The following CORIN variants were observed in gnomAD, a reference collection of about 807,000 sequenced individuals.
CORIN encodes atrial natriuretic peptide-converting enzyme.
In CORIN, 117 loss-of-function variants were observed where a neutral mutation model predicts 125.3. That is an observed-to-expected ratio of 0.93 (90% CI 0.80 to 1.09). The LOEUF is 1.09. CORIN is among the 50% of genes least tolerant of loss of function. CORIN has a pLI of 0.00. For synonymous variants in CORIN, 450 were observed against 466.4 expected, an observed-to-expected ratio of 0.96 and a Z score of 0.45; for missense variants, 1,253 against 1,306.7, an observed-to-expected ratio of 0.96 and a Z score of 0.63.
chr4:47,779,619 A>G (rs1254407310), intron 3 of CORIN, among the ~76,000 whole-genome samples: 1 of 151,798 alleles, frequency 6.6e-6, no homozygotes, highest in Non-Finnish European at 1.5e-5. Context: ...TATTTTTAGT[A>G]GAGACAAGGT....
chr4:47,734,020 G>A (rs1221492414), intron 5 of CORIN, among the ~76,000 whole-genome samples: 3 of 152,060 alleles, frequency 2.0e-5, no homozygotes, highest in African/African-American at 4.8e-5. Flanking sequence ...CTGTAGCGGC[G>A]GGTATTAATA....
intron 3 of CORIN, among the ~76,000 whole-genome samples, chr4:47,770,418 G>C (rs1729971378): frequency 6.6e-6 from 1 of 152,148 alleles, no homozygotes; most frequent in South Asian, 2.1e-4. Flanking sequence ...TTTGCACACT[G>C]TTGATAGGGT....
In CORIN at chr4:47,743,171, G is replaced by A. The variant is rs138769858; in HGVS notation, c.799+1231C>T. Among the ~76,000 whole-genome samples, 1,201 of 151,596 alleles carry A rather than the reference G, an allele frequency of 7.9e-3. 19 individuals carry two copies. The highest frequency in any genetic ancestry group is 0.027 in the African/African-American group (1,126 of 41,446). On this transcript the variant is annotated intron_variant, in intron 5 of 21. Transcript: ENST00000273857. ...TAGGAGAAAAACTTCTATGTTTGGG[G>A]GTGAGCAAAGATTTCTTAAGACACA...
chr4:47,689,597 T>G (rs1254015713), intron 6 of CORIN, among the ~76,000 whole-genome samples: 1 of 152,226 alleles, frequency 6.6e-6, no homozygotes, highest in Non-Finnish European at 1.5e-5. Flanking sequence ...GGCAGCTATT[T>G]CACTGTGAAA....
chr4:47,701,971 G>A (rs116272989), intron 5 of CORIN, among the ~76,000 whole-genome samples: 2,421 of 152,100 alleles, frequency 0.016, 75 homozygotes, highest in African/African-American at 0.055. Context: ...AAAAACATGG[G>A]CAATTTTTAA....
chr4:47,614,975 C>A (rs886142993), intron 19 of CORIN, among the ~76,000 whole-genome samples: 2 of 152,114 alleles, frequency 1.3e-5, no homozygotes, highest in Admixed American at 6.6e-5. Context: ...TTTGACGGGG[C>A]AATCACTTTG....
intron 5 of CORIN, among the ~76,000 whole-genome samples, chr4:47,731,667 G>A (rs538396133): frequency 3.9e-5 from 6 of 152,042 alleles, no homozygotes; most frequent in African/African-American, 1.2e-4. Flanking sequence ...TCAGGAGTTC[G>A]AGACTAGCCT....
intron 4 of CORIN, among the ~76,000 whole-genome samples, chr4:47,761,526 C>T (rs1421787413): frequency 6.6e-6 from 1 of 151,440 alleles, no homozygotes; most frequent in African/African-American, 2.4e-5. Flanking sequence ...CAATGGAATA[C>T]TATTCAGCCA....
intron 5 of CORIN, among the ~76,000 whole-genome samples, chr4:47,728,406 T>C (rs1460005699): frequency 6.6e-6 from 1 of 152,188 alleles, no homozygotes; most frequent in Non-Finnish European, 1.5e-5. Flanking sequence ...ATTTCTGCTA[T>C]GTGAAAGAAA....
At chr4:47,817,513 T>C (rs1210734222) in intron 1 of CORIN, among the ~76,000 whole-genome samples, 2 of 152,118 alleles carry the variant, frequency 1.3e-5, no homozygotes. Flanking sequence ...CAGTTCCCAG[T>C]GTTTCAGCTG....
At position 47,641,915 on chromosome 4, in the gene CORIN, C is replaced by G. The variant is rs775273225; in HGVS notation, c.2198+5G>C. On this transcript the variant is annotated splice_donor_5th_base_variant and intron_variant, in intron 16 of 21. Coordinates refer to ENST00000273857, the MANE Select transcript of CORIN (RefSeq NM_006587.4). ...TTCATCAGTGCTACAAACTACTGAC[C>G]TTACCCTAAACCCATCTGCTTGCAG... is the stretch of plus-strand genomic sequence containing the variant. The G allele has an allele frequency of 5.0e-6, 8 of 1,612,526 alleles. No individual in the cohort carries two copies. The highest frequency in any genetic ancestry group is 6.8e-6 in the Non-Finnish European group (8 of 1,179,122).
intron 1 of CORIN, among the ~76,000 whole-genome samples, chr4:47,815,344 A>G (rs1732221318): frequency 6.6e-6 from 1 of 152,166 alleles, no homozygotes; most frequent in Non-Finnish European, 1.5e-5. Flanking sequence ...GAGCTTGCTC[A>G]ATTTAGTTTC....
chr4:47,659,783 T>G (rs552236743), intron 12 of CORIN, among the ~76,000 whole-genome samples: 47 of 152,148 alleles, frequency 3.1e-4, no homozygotes, highest in Non-Finnish European at 5.1e-4. Context: ...TATATCACTA[T>G]GTAAAGCAAT....
At chr4:47,663,404 A>C (rs186935018) in intron 11 of CORIN, among the ~76,000 whole-genome samples, 1 of 152,332 alleles carries the variant, frequency 6.6e-6, no homozygotes, top group East Asian at 1.9e-4. Flanking sequence ...TTATTAGCAT[A>C]TTATTCAAAA....
At chr4:47,676,160 C>T (rs1326336745) in intron 9 of CORIN, among the ~76,000 whole-genome samples, 2 of 152,176 alleles carry the variant, frequency 1.3e-5, no homozygotes, top group Non-Finnish European at 2.9e-5. Flanking sequence ...CCCCTGCTTC[C>T]CTTTCCAGCT....
intron 5 of CORIN, among the ~76,000 whole-genome samples, chr4:47,740,582 T>C (rs1024329835): frequency 2.2e-4 from 34 of 152,002 alleles, no homozygotes; most frequent in Admixed American, 8.5e-4. Flanking sequence ...TATTTACATA[T>C]GTAATCTTTA....
Position 47,645,166 on chromosome 4 carries a change from A to T in CORIN, c.1872T>A (p.Cys624Ter). The change falls in exon 14 of 22, where the codon TGT (cysteine) becomes TGA (stop). Residue 624 changes from cysteine (C) to a stop codon, truncating the protein, a stop_gained. Coordinates refer to ENST00000273857, the MANE Select transcript of CORIN (RefSeq NM_006587.4). LOFTEE classifies it high-confidence loss of function. The stretch of plus-strand genomic sequence containing the variant: ...GCTTCAAACATTGTTTATTGGATGG[A>T]CATTCCCAAAGATCTCTCTCTTTAC... ...CGCKERDLWE[C>*]PSNKQCLKHT... is the part of the protein sequence containing the mutation. 1 of 1,610,338 alleles carries T rather than the reference A, an allele frequency of 6.2e-7. No homozygotes were observed.
chr4:47,614,974 G>A (rs1242402189), intron 19 of CORIN, among the ~76,000 whole-genome samples: 1 of 152,188 alleles, frequency 6.6e-6, no homozygotes, highest in African/African-American at 2.4e-5. Context: ...ATTTGACGGG[G>A]CAATCACTTT....
intron 1 of CORIN, among the ~76,000 whole-genome samples, chr4:47,816,394 G>A (rs1216354960): frequency 2.8e-4 from 42 of 152,112 alleles, no homozygotes. Context: ...ACGTCTATGT[G>A]ACATGTTAAA....
Sources: gnomAD v4.1 joint callset for allele counts (sites outside exome capture counted in the v4.1 genomes callset) on GRCh38, gnomAD v4.1.1 for gene constraint, MANE v1.5 for transcripts, NCBI Gene and HGNC (gene_info 2026-07-23, HGNC 2026-07-21) for gene names.